RARB: variants seen among roughly 807,000 people sequenced by gnomAD.
RARB encodes HBV-activated protein.
RARB carries 17 observed loss-of-function variants against 51.9 expected under a neutral mutation model. The observed-to-expected ratio is 0.33, with a 90% CI of 0.22 to 0.49. The LOEUF is 0.49. Ranked by LOEUF, RARB falls within the 20% of genes least tolerant of loss-of-function variation. The pLI is 0.99. For missense variants in RARB, 369 were observed against 550.8 expected (o/e 0.67, Z 3.30); for synonymous variants, 215 against 195.4 (o/e 1.10, Z -0.84).
intron 5 of RARB, 75 bp downstream of exon 5, chr3:25,580,797 G>C: frequency 1.4e-6 from 2 of 1,427,976 alleles, no homozygotes; most frequent in Non-Finnish European, 1.9e-6. Context: ...AGGGGACCAA[G>C]AGACATTGAA....
chr3:25,214,622 GA>G (rs541321676), intron 5 of RARB, among the ~76,000 whole-genome samples: 222 of 152,294 alleles, frequency 1.5e-3, no homozygotes, highest in African/African-American at 3.8e-3. Flanking sequence ...AGGGCGTCCT[GA>G]AATGCCCCTG....
intron 5 of RARB, among the ~76,000 whole-genome samples, chr3:25,581,432 C>A (rs148884394): frequency 6.6e-6 from 1 of 152,148 alleles, no homozygotes; most frequent in Non-Finnish European, 1.5e-5. Flanking sequence ...CTGAAGCCCC[C>A]ACCAGGGAAA....
At chr3:24,839,747 T>C (rs1702395616) in intron 1 of RARB, among the ~76,000 whole-genome samples, 1 of 146,460 alleles carries the variant, frequency 6.8e-6, no homozygotes, top group Non-Finnish European at 1.5e-5. Flanking sequence ...AAGAAACAGT[T>C]TGGGTAATTG....
At chr3:25,557,137 T>TCACACACACA (rs55731301) in intron 3 of RARB, among the ~76,000 whole-genome samples, 20,847 of 145,114 alleles carry the variant, frequency 0.14, 1,778 homozygotes, top group African/African-American at 0.24. Context: ...GGCATTGCAT[T>TCACACACACA]CACACACACA....
chr3:25,158,019 T>G (rs186194008), intron 4 of RARB, among the ~76,000 whole-genome samples: 1 of 152,248 alleles, frequency 6.6e-6, no homozygotes, highest in East Asian at 1.9e-4. Context: ...AGAATGCACG[T>G]GTATAAATAG....
intron 3 of RARB, among the ~76,000 whole-genome samples, chr3:25,074,701 CT>C: frequency 6.6e-6 from 1 of 152,100 alleles, no homozygotes; most frequent in Non-Finnish European, 1.5e-5. Context: ...ACTATGCATG[CT>C]GCACTATCAC....
At chr3:25,409,011 G>A (rs2125499431) in intron 5 of RARB, among the ~76,000 whole-genome samples, 1 of 152,274 alleles carries the variant, frequency 6.6e-6, no homozygotes, top group African/African-American at 2.4e-5. Context: ...TCCAGCCTGT[G>A]TGACACAGCG....
intron 4 of RARB, among the ~76,000 whole-genome samples, chr3:25,157,636 A>C (rs1291584106): frequency 6.6e-6 from 1 of 152,144 alleles, no homozygotes; most frequent in Non-Finnish European, 1.5e-5. Context: ...GCCTCAAGCG[A>C]TCTGCCTGCC....
rs1329453361 is a variant in RARB at position 25,314,551 on chromosome 3, T to TA, written c.178+139980dup. On this transcript the variant is annotated intron_variant, in intron 5 of 11. Transcript: ENST00000383772. ...TAAGACATCTGAGGTGAATGCCAGG[T>TA]AAAATGGCACAATGGATGTGTGTGG... Among the ~76,000 whole-genome samples, 3 of 152,202 alleles carry TA rather than the reference T, an allele frequency of 2.0e-5. No homozygotes were observed. In the East Asian group the frequency reaches 5.8e-4, roughly 29 times the overall value.
At chr3:25,433,836 C>T (rs1708308555) in intron 1 of RARB, among the ~76,000 whole-genome samples, 1 of 152,160 alleles carries the variant, frequency 6.6e-6, no homozygotes, top group Non-Finnish European at 1.5e-5. Context: ...TGTCCCATCC[C>T]ACTCCCCAAA....
intron 1 of RARB, among the ~76,000 whole-genome samples, chr3:25,453,221 C>G (rs1409664991): frequency 2.8e-5 from 4 of 140,870 alleles, no homozygotes; most frequent in Non-Finnish European, 6.1e-5. Flanking sequence ...TTCTGCATTT[C>G]TGGGGTGGGG....
intron 2 of RARB, among the ~76,000 whole-genome samples, chr3:25,463,460 C>T (rs763519550): frequency 3.3e-5 from 5 of 152,002 alleles, no homozygotes; most frequent in Admixed American, 6.6e-5. Context: ...GTCAAGAGAT[C>T]GAGACCATTC....
At chr3:24,939,979 G>A (rs571886201) in intron 2 of RARB, among the ~76,000 whole-genome samples, 2 of 152,236 alleles carry the variant, frequency 1.3e-5, no homozygotes, top group African/African-American at 4.8e-5. Context: ...GATAAATTTT[G>A]TGATTCTAAT....
intron 5 of RARB, among the ~76,000 whole-genome samples, chr3:25,263,402 G>C (rs1256515418): frequency 6.6e-6 from 1 of 152,092 alleles, no homozygotes; most frequent in East Asian, 1.9e-4. Flanking sequence ...CAGTAACTCT[G>C]AGTTAACTAG....
At chr3:25,314,661 A>C (rs555580857) in intron 5 of RARB, among the ~76,000 whole-genome samples, 2 of 151,930 alleles carry the variant, frequency 1.3e-5, no homozygotes, top group Non-Finnish European at 2.9e-5. Flanking sequence ...GTATTTTTTT[A>C]TATATATACT....
At chr3:25,304,367 T>A (rs1055032465) in intron 5 of RARB, among the ~76,000 whole-genome samples, 3 of 152,226 alleles carry the variant, frequency 2.0e-5, no homozygotes, top group African/African-American at 7.2e-5. Flanking sequence ...TCCCCTCCAC[T>A]TGCTGATGAT....
intron 2 of RARB, among the ~76,000 whole-genome samples, chr3:24,900,019 C>T (rs948061777): frequency 6.6e-6 from 1 of 152,062 alleles, no homozygotes; most frequent in Non-Finnish European, 1.5e-5. Context: ...GGACAGCAAC[C>T]ATAATAAATT....
At chr3:25,536,346 C>A (rs897388750) in intron 3 of RARB, among the ~76,000 whole-genome samples, 2 of 152,122 alleles carry the variant, frequency 1.3e-5, no homozygotes, top group African/African-American at 4.8e-5. Flanking sequence ...AGACACGACA[C>A]TGGAATAAAG....
intron 5 of RARB, among the ~76,000 whole-genome samples, chr3:25,354,218 G>A (rs150861986): frequency 2.0e-5 from 3 of 152,206 alleles, no homozygotes; most frequent in East Asian, 3.9e-4. Context: ...TCTATAATGT[G>A]ACTCATGGAA....
Sources: gnomAD v4.1 joint callset for allele counts (sites outside exome capture counted in the v4.1 genomes callset) on GRCh38, gnomAD v4.1.1 for gene constraint, MANE v1.5 for transcripts, NCBI Gene and HGNC (gene_info 2026-07-23, HGNC 2026-07-21) for gene names.